The following SEC63 variants were observed in gnomAD, a reference collection of about 807,000 sequenced individuals.
SEC63 encodes the protein translocation protein SEC63 homolog.
Under a neutral mutation model 116.2 loss-of-function variants are expected in SEC63, and 56 were observed. The ratio of observed to expected loss-of-function variants is 0.48; its 90% CI spans 0.39 to 0.60. SEC63 has a LOEUF of 0.60. SEC63 is among the 20% of genes least tolerant of loss of function. SEC63 has a pLI of 0.00. For missense variants in SEC63, 668 were observed against 900.0 expected, an observed-to-expected ratio of 0.74 and a Z score of 3.30; for synonymous variants, 273 against 294.6, an observed-to-expected ratio of 0.93 and a Z score of 0.75.
intron 1 of SEC63, among the ~76,000 whole-genome samples, chr6:107,935,327 T>C (rs556114199): frequency 2.4e-4 from 36 of 151,328 alleles, no homozygotes; most frequent in African/African-American, 8.5e-4. Flanking sequence ...GGGATGACAA[T>C]GGCGGTTTTG....
intron 16 of SEC63, among the ~76,000 whole-genome samples, chr6:107,892,225 C>CT (rs983531709): frequency 3.3e-5 from 5 of 152,116 alleles, no homozygotes; most frequent in Non-Finnish European, 5.9e-5. Flanking sequence ...GGGCTGCTGC[C>CT]TTTTTTTCAG....
At chr6:107,903,229 C>T (rs1248095181) in intron 11 of SEC63, among the ~76,000 whole-genome samples, 1 of 152,136 alleles carries the variant, frequency 6.6e-6, no homozygotes, top group Non-Finnish European at 1.5e-5. Flanking sequence ...TTATTTGCCT[C>T]ACCTCAAATA....
chr6:107,954,278 T>G (rs932615529), intron 1 of SEC63, among the ~76,000 whole-genome samples: 5 of 151,612 alleles, frequency 3.3e-5, no homozygotes, highest in African/African-American at 1.2e-4. Context: ...GCATGCTCGT[T>G]AAGAGTCATC....
chr6:107,915,858 T>C (rs929873294), intron 4 of SEC63, among the ~76,000 whole-genome samples: 7 of 152,220 alleles, frequency 4.6e-5, no homozygotes, highest in Non-Finnish European at 7.4e-5. Flanking sequence ...TAGTTATATT[T>C]ATGCAAGTTA....
chr6:107,939,534 G>A (rs1256387271), intron 1 of SEC63, among the ~76,000 whole-genome samples: 3 of 152,040 alleles, frequency 2.0e-5, no homozygotes, highest in East Asian at 1.9e-4. Flanking sequence ...GACGGATCGC[G>A]TGAGGTCAGG....
At chr6:107,904,488 G>T in intron 11 of SEC63, 141 bp downstream of exon 11, 1 of 683,202 alleles carries the variant, frequency 1.5e-6, no homozygotes, top group Non-Finnish European at 2.6e-6. Flanking sequence ...AAAGAAATAT[G>T]AAAAGACATG....
At chr6:107,889,979 C>A (rs1786641088) in intron 16 of SEC63, among the ~76,000 whole-genome samples, 1 of 152,174 alleles carries the variant, frequency 6.6e-6, no homozygotes, top group South Asian at 2.1e-4. Flanking sequence ...TTCACATTTG[C>A]TGAGGAGTGT....
chr6:107,902,699 C>T, intron 12 of SEC63, 145 bp downstream of exon 12: 1 of 768,452 alleles, frequency 1.3e-6, no homozygotes, highest in South Asian at 1.6e-5. Context: ...GTTAACAGAA[C>T]CACCTGAGAG....
At chr6:107,922,630 A>C (rs1426290309) in intron 3 of SEC63, among the ~76,000 whole-genome samples, 2 of 152,224 alleles carry the variant, frequency 1.3e-5, no homozygotes, top group African/African-American at 4.8e-5. Flanking sequence ...ACCTGGTTTC[A>C]GCTGCTTGTC....
intron 16 of SEC63, among the ~76,000 whole-genome samples, chr6:107,888,296 G>C (rs1334050038): frequency 6.6e-6 from 1 of 152,120 alleles, no homozygotes; most frequent in Non-Finnish European, 1.5e-5. Flanking sequence ...TCTCCTTGAA[G>C]AGGTCCTTCA....
chr6:107,870,140 C>T lies in SEC63; in HGVS notation c.*1564G>A, dbSNP rs1184617252. 1 of 152,496 alleles carries T rather than the reference C, an allele frequency of 6.6e-6. No homozygotes were observed. Among genetic ancestry groups the T allele is most frequent in the Non-Finnish European group, 1.5e-5 (1 of 68,022 alleles). The allele number at this position is 152,496 out of a possible 1,614,324, so 9.4% of individuals were successfully genotyped here. A position where few individuals can be genotyped will look rare whatever the true frequency, so the allele number is the denominator to read the frequency against. On this transcript the variant is annotated 3_prime_UTR_variant, in exon 21 of 21. Coordinates refer to ENST00000369002, the MANE Select transcript of SEC63 (RefSeq NM_007214.5). ...ACCTGATTTGAAAATTAAACCCACC[C>T]TCCTACTTGTACAATGAAGTAAATG...
Position 107,937,923 on chromosome 6 carries a change from T to G in SEC63, c.125-8409A>C, listed in dbSNP as rs75508097. Among the ~76,000 whole-genome samples the G allele has an allele frequency of 6.7e-3, 1,026 of 152,354 alleles. 15 individuals carry two copies. The highest frequency in any genetic ancestry group is 0.024 in the African/African-American group (996 of 41,580). ...AGTTGTTTAAGTTCCCTATACATTC[T>G]GGATTAGACCTTTGTTGGATGCATA... On this transcript the variant is annotated intron_variant, in intron 1 of 20. Coordinates refer to ENST00000369002, the MANE Select transcript of SEC63 (RefSeq NM_007214.5).
At chr6:107,940,150 C>T (rs963606149) in intron 1 of SEC63, among the ~76,000 whole-genome samples, 8 of 151,928 alleles carry the variant, frequency 5.3e-5, no homozygotes, top group Non-Finnish European at 1.2e-4. Context: ...GAGGAGGGAA[C>T]CTAGAAGGCA....
intron 16 of SEC63, among the ~76,000 whole-genome samples, chr6:107,893,096 A>G (rs1786723916): frequency 6.8e-6 from 1 of 146,974 alleles, no homozygotes; most frequent in Admixed American, 7.0e-5. Context: ...TATTCATACA[A>G]TGAAATACTA....
At chr6:107,888,815 G>A (rs920839572) in intron 16 of SEC63, among the ~76,000 whole-genome samples, 1 of 152,112 alleles carries the variant, frequency 6.6e-6, no homozygotes, top group Non-Finnish European at 1.5e-5. Flanking sequence ...GCTGAATTTT[G>A]TTGAAGGCCT....
At chr6:107,924,979 A>G (rs1185153664) in intron 2 of SEC63, 47 bp from the exon 3 acceptor site, 7 of 1,058,942 alleles carry the variant, frequency 6.6e-6, no homozygotes, top group African/African-American at 1.6e-5. Flanking sequence ...ACATCTGCAT[A>G]GAGTCTAAAG....
chr6:107,935,244 G>C (rs1770197560), intron 1 of SEC63, among the ~76,000 whole-genome samples: 2 of 151,794 alleles, frequency 1.3e-5, no homozygotes. Context: ...CCCCTACTGG[G>C]AAGTGAGGAG....
chr6:107,935,418 G>C (rs981591132), intron 1 of SEC63, among the ~76,000 whole-genome samples: 1 of 151,112 alleles, frequency 6.6e-6, no homozygotes, highest in African/African-American at 2.4e-5. Context: ...AAGTAGACAT[G>C]GGAGACTTTT....
intron 13 of SEC63, among the ~76,000 whole-genome samples, chr6:107,899,309 C>T (rs1786941403): frequency 6.6e-6 from 1 of 152,212 alleles, no homozygotes; most frequent in South Asian, 2.1e-4. Context: ...AATAAACTGT[C>T]TATCCAAGAT....
Sources: allele counts gnomAD v4.1 joint callset (sites outside exome capture counted in the v4.1 genomes callset), GRCh38; gene constraint gnomAD v4.1.1; transcripts MANE v1.5; gene names NCBI Gene and HGNC (gene_info 2026-07-23, HGNC 2026-07-21).